ATP2A2: variants seen among roughly 807,000 people sequenced by gnomAD.
ATP2A2 encodes sarcoplasmic/endoplasmic reticulum calcium ATPase 2.
Under a neutral mutation model 109.3 loss-of-function variants are expected in ATP2A2, and 14 were observed. The ratio of observed to expected loss-of-function variants is 0.13; its 90% CI spans 0.08 to 0.20. The LOEUF (loss-of-function observed/expected upper bound fraction) is 0.20. Ranked by LOEUF, ATP2A2 falls within the 10% of genes least tolerant of loss-of-function variation. ATP2A2 has a pLI of 1.00. For synonymous variants in ATP2A2, 506 were observed against 490.9 expected, an observed-to-expected ratio of 1.03 and a Z score of -0.41; for missense variants, 657 against 1,321.6, an observed-to-expected ratio of 0.50 and a Z score of 7.80.
In ATP2A2 at chr12:110,339,456, T is replaced by G. The variant is rs1879147427; in HGVS notation, c.1543-47T>G. ...GTTCTTGCCAGGGTTAAGATCCCGG[T>G]GAACCAATAAAACAAAATTGTTTAT... On this transcript the variant is annotated intron_variant, in intron 12 of 19. Coordinates refer to ENST00000539276, the MANE Select transcript of ATP2A2 (RefSeq NM_170665.4). This position sits in a 1 kb window ranked among gnomAD's most constrained non-coding sequence, Gnocchi z 4.4. The G allele has an allele frequency of 6.2e-7, 1 of 1,614,052 alleles. No homozygotes were observed. Among genetic ancestry groups the G allele is most frequent in the African/African-American group, 1.3e-5 (1 of 74,930 alleles).
chr12:110,323,805 T>C (rs1411152857), intron 6 of ATP2A2, among the ~76,000 whole-genome samples: 1 of 152,212 alleles, frequency 6.6e-6, no homozygotes, highest in Non-Finnish European at 1.5e-5. Context: ...AAAAAAGTTG[T>C]AATTTGTTCG....
chr12:110,295,289 G>A (rs1254856702), intron 4 of ATP2A2, among the ~76,000 whole-genome samples: 1 of 152,086 alleles, frequency 6.6e-6, no homozygotes, highest in Non-Finnish European at 1.5e-5. Context: ...AGCCTCCTGA[G>A]CAGCTGAGAC....
rs1879451934 is a variant in ATP2A2, at chr12:110,342,494, T to G, written c.2318+46T>G. ...CACTTACTGTACGCCTTTATCTAAA[T>G]GGGTCATGGAGCCCAGTTCTCGCAG... On this transcript the variant is annotated intron_variant, in intron 15 of 19. Transcript: ENST00000539276. This position sits in a 1 kb window ranked among gnomAD's most constrained non-coding sequence, Gnocchi z 4.6. 6.3e-7 allele frequency: 1 copy of G among 1,589,880 alleles called. No individual in the cohort carries two copies. Among genetic ancestry groups the G allele is most frequent in the Non-Finnish European group, 8.6e-7 (1 of 1,161,836 alleles).
At chr12:110,295,394 G>A (rs961183468) in intron 4 of ATP2A2, among the ~76,000 whole-genome samples, 2 of 151,902 alleles carry the variant, frequency 1.3e-5, no homozygotes, top group African/African-American at 2.4e-5. Flanking sequence ...GAACTCTTGG[G>A]CTCAAGCAGT....
chr12:110,319,616 C>T (rs927696779), intron 5 of ATP2A2, among the ~76,000 whole-genome samples: 2 of 148,462 alleles, frequency 1.3e-5, no homozygotes, highest in African/African-American at 4.9e-5. Context: ...CTTTCATATA[C>T]ATAATATATA....
intron 10 of ATP2A2, 126 bp downstream of exon 10, chr12:110,333,409 C>T (rs1878536827): frequency 1.2e-6 from 1 of 853,692 alleles, no homozygotes; most frequent in Non-Finnish European, 2.0e-6. Flanking sequence ...TTTCCCCCTT[C>T]CATTCAGAAC....
chr12:110,298,516 G>A (rs558011039), intron 5 of ATP2A2, among the ~76,000 whole-genome samples: 50 of 152,220 alleles, frequency 3.3e-4, no homozygotes, highest in African/African-American at 1.2e-3. Context: ...TCAAGAGATC[G>A]AAACTATCCT....
intron 15 of ATP2A2, among the ~76,000 whole-genome samples, 166 bp from the exon 16 acceptor site, chr12:110,343,066 C>T (rs1020417479): frequency 3.3e-5 from 5 of 152,186 alleles, no homozygotes; most frequent in African/African-American, 1.2e-4. Context: ...AAGTAATAAA[C>T]TAAGTAAAAT....
chr12:110,343,350 C>G lies in ATP2A2; in HGVS notation c.2437C>G (p.Leu813Val). Residue 813 changes from leucine to valine, a missense_variant, in exon 16 of 20, where the codon CTG (leucine) becomes GTG (valine). Physicochemically the swap from Leu to Val is conservative, Grantham distance 32 (BLOSUM62 1). Transcript: ENST00000539276. ...TGCACTGGGGTTCAACCCTCCTGATCTGGACATCATGAATAAACCTCCCCG... is the reference window on the plus strand; with the variant it reads ...TGCACTGGGGTTCAACCCTCCTGATGTGGACATCATGAATAAACCTCCCCG... ...ATALGFNPPD[L>V]DIMNKPPRNP... 1 of 1,614,224 alleles carries G rather than the reference C, an allele frequency of 6.2e-7. No individual in the cohort carries two copies. The highest frequency in any genetic ancestry group is 8.5e-7 in the Non-Finnish European group (1 of 1,180,040).
At chr12:110,316,922 A>C (rs940935380) in intron 5 of ATP2A2, among the ~76,000 whole-genome samples, 6 of 152,198 alleles carry the variant, frequency 3.9e-5, no homozygotes, top group Admixed American at 1.3e-4. Flanking sequence ...GATGCCAAAG[A>C]AGCTGTTGAA....
upstream of ATP2A2, chr12:110,281,159 C>A (rs898259220): frequency 6.7e-6 from 1 of 149,196 alleles, no homozygotes; most frequent in African/African-American, 2.4e-5. Context: ...GGCCGCGCCG[C>A]CCGCGCCGCG....
chr12:110,341,052 T>C, intron 14 of ATP2A2, 58 bp downstream of exon 14: 1 of 1,572,920 alleles, frequency 6.4e-7, no homozygotes. Flanking sequence ...TAGTAGCCTC[T>C]AATTTTGACC....
intron 5 of ATP2A2, among the ~76,000 whole-genome samples, chr12:110,322,646 GTA>G (rs1361128340): frequency 6.6e-6 from 1 of 152,136 alleles, no homozygotes; most frequent in East Asian, 1.9e-4. Context: ...TGTGCCTTGT[GTA>G]TATGTAGTAA....
chr12:110,340,502 C>T lies in ATP2A2; in HGVS notation c.1762-157C>T, dbSNP rs1879241276. Among the ~76,000 whole-genome samples, 1 of 149,202 alleles carries T rather than the reference C, an allele frequency of 6.7e-6. No individual in the cohort carries two copies. The highest frequency in any genetic ancestry group is 2.5e-5 in the African/African-American group (1 of 40,318). On this transcript the variant is annotated intron_variant, in intron 13 of 19. Transcript: ENST00000539276. The surrounding 1 kb of genome is among the most constrained non-coding windows in gnomAD (Gnocchi z 6.0). ...GCAGTGAGCTGAGATTGCGCCATGG[C>T]ACTCCAGCCTGGGCAACAAGAGCGA...
At chr12:110,326,052 AAAT>A (rs1354887293) in intron 6 of ATP2A2, 1 of 347,748 alleles carries the variant, frequency 2.9e-6, no homozygotes, top group African/African-American at 2.1e-5. Flanking sequence ...AAATATATGT[AAAT>A]AATACAGTCA....
chr12:110,284,471 T>C (rs1374263497), intron 3 of ATP2A2, among the ~76,000 whole-genome samples: 1 of 152,210 alleles, frequency 6.6e-6, no homozygotes, highest in Non-Finnish European at 1.5e-5. Flanking sequence ...ACCATGCCAC[T>C]GGTGTTACTA....
chr12:110,300,587 G>C (rs547017063), intron 5 of ATP2A2, among the ~76,000 whole-genome samples: 2 of 149,750 alleles, frequency 1.3e-5, no homozygotes, highest in Non-Finnish European at 3.0e-5. Context: ...TGATCCTCCC[G>C]CCTCAGCCTC....
Position 110,349,446 on chromosome 12 carries a change from G to T in ATP2A2, c.*2976G>T. The T allele has an allele frequency of 1.0e-6, 1 of 985,524 alleles. No homozygotes were observed. The highest frequency in any genetic ancestry group is 1.2e-6 in the Non-Finnish European group (1 of 829,980). 61.0% of individuals were successfully genotyped at this position (985,524 alleles called of 1,614,324 possible). A position where few individuals can be genotyped will look rare whatever the true frequency, so the allele number is the denominator to read the frequency against. ...TGGCCTCTCTGAGCTTTGCCCAGAA[G>T]ACCAACAATCATACATACCCTAACT... On this transcript the variant is annotated 3_prime_UTR_variant, in exon 20 of 20. Coordinates refer to ENST00000539276, the MANE Select transcript of ATP2A2 (RefSeq NM_170665.4).
At position 110,347,433 on chromosome 12, in the gene ATP2A2, A is replaced by G. The variant is rs1000201844; in HGVS notation, c.*963A>G. 1.6e-6 allele frequency: 2 copies of G among 1,288,998 alleles called. No homozygotes were observed. The highest frequency in any genetic ancestry group is 1.5e-5 in the African/African-American group (1 of 65,830). 79.8% of individuals were successfully genotyped at this position (1,288,998 alleles called of 1,614,324 possible). On this transcript the variant is annotated 3_prime_UTR_variant, in exon 20 of 20. Transcript: ENST00000539276. ...TTTAGTTGTACTCTGCTTGAGGGGA[A>G]GAAGGCTCCTGCTCTGCTGTGTAGG... is the stretch of plus-strand genomic sequence containing the variant.
Sources: gnomAD v4.1 joint callset for allele counts (sites outside exome capture counted in the v4.1 genomes callset) on GRCh38, gnomAD v4.1.1 for gene constraint, Gnocchi (gnomAD v3.1) non-coding constraint, MANE v1.5 for transcripts, NCBI Gene and HGNC (gene_info 2026-07-23, HGNC 2026-07-21) for gene names.